The following RYR2 variants were observed in gnomAD, a reference collection of about 807,000 sequenced individuals.
RYR2 encodes cardiac muscle ryanodine receptor-calcium release channel.
RYR2 carries 227 observed loss-of-function variants against 601.1 expected under a neutral mutation model. That is an observed-to-expected ratio of 0.38 (90% CI 0.34 to 0.42). RYR2 has a LOEUF of 0.42. Among genes scored for constraint, RYR2 ranks in the 10% least tolerant of loss-of-function variants. The probability of loss-of-function intolerance (pLI) is 1.00; values close to 1 mark genes in which losing one functional copy is unlikely to be tolerated. For synonymous variants in RYR2, 2,223 were observed against 2,175.1 expected, an observed-to-expected ratio of 1.02 and a Z score of -0.61; for missense variants, 4,646 against 6,156.5, an observed-to-expected ratio of 0.75 and a Z score of 8.21.
intron 56 of RYR2, among the ~76,000 whole-genome samples, chr1:237,664,184 G>A (rs557263287): frequency 6.6e-6 from 1 of 152,250 alleles, no homozygotes; most frequent in South Asian, 2.1e-4. Context: ...GAAGGGGAAT[G>A]GAGATTAGAA....
chr1:237,739,855 C>G (rs950481455), intron 79 of RYR2, among the ~76,000 whole-genome samples: 2 of 152,198 alleles, frequency 1.3e-5, no homozygotes, highest in South Asian at 2.1e-4. Flanking sequence ...TCAGCAGATA[C>G]TGGCAAGCTG....
At chr1:237,435,782 G>T (rs1385341811) in intron 12 of RYR2, among the ~76,000 whole-genome samples, 1 of 152,150 alleles carries the variant, frequency 6.6e-6, no homozygotes, top group Non-Finnish European at 1.5e-5. Flanking sequence ...CTCATATATG[G>T]AAACATTGTG....
chr1:237,688,644 A>C (rs1321158975), intron 63 of RYR2, among the ~76,000 whole-genome samples: 1 of 152,142 alleles, frequency 6.6e-6, no homozygotes, highest in East Asian at 1.9e-4. Flanking sequence ...AGTTATCTTT[A>C]GAATAATTTC....
chr1:237,292,306 A>G (rs1042104524), intron 2 of RYR2, among the ~76,000 whole-genome samples: 28 of 152,260 alleles, frequency 1.8e-4, no homozygotes, highest in African/African-American at 6.8e-4. Context: ...GATGAACAGT[A>G]TAATACCATT....
intron 24 of RYR2, among the ~76,000 whole-genome samples, chr1:237,525,786 C>T (rs1216509589): frequency 6.6e-6 from 1 of 151,984 alleles, no homozygotes; most frequent in Non-Finnish European, 1.5e-5. Context: ...TTGAGACCAG[C>T]CTGGCCAACA....
chr1:237,312,067 T>A (rs910461016), intron 2 of RYR2, among the ~76,000 whole-genome samples: 1 of 152,184 alleles, frequency 6.6e-6, no homozygotes, highest in African/African-American at 2.4e-5. Context: ...CTTGAAGAGC[T>A]ACTTTTTATG....
In RYR2 at chr1:237,396,483, C is replaced by A. The variant is rs1008655311; in HGVS notation, c.773+8300C>A. ...GAATTTGCATACTTGCCAACATGCACAATTTTTGTGATGTTAAATTATGTT... is the reference window on the plus strand; with the variant it reads ...GAATTTGCATACTTGCCAACATGCAAAATTTTTGTGATGTTAAATTATGTT... On this transcript the variant is annotated intron_variant, in intron 10 of 104. Coordinates refer to ENST00000366574, the MANE Select transcript of RYR2 (RefSeq NM_001035.3). Among the ~76,000 whole-genome samples the A allele has an allele frequency of 5.9e-5, 9 of 152,178 alleles. No individual in the cohort carries two copies. The East Asian group carries it at 1.5e-3, about 26-fold the overall frequency.
chr1:237,685,356 A>T (rs766587188), intron 62 of RYR2, among the ~76,000 whole-genome samples: 1 of 152,166 alleles, frequency 6.6e-6, no homozygotes, highest in Non-Finnish European at 1.5e-5. Context: ...CTGGTGGCAC[A>T]TGTGGTGAGG....
intron 79 of RYR2, among the ~76,000 whole-genome samples, chr1:237,738,686 T>TG (rs943224267): frequency 1.4e-4 from 20 of 146,934 alleles, no homozygotes; most frequent in African/African-American, 5.4e-4. Flanking sequence ...TTGGAGTTCA[T>TG]TTTTTTTTAT....
intron 13 of RYR2, 139 bp from the exon 14 acceptor site, chr1:237,445,262 G>A (rs757473519): frequency 3.3e-5 from 32 of 957,392 alleles, no homozygotes; most frequent in East Asian, 4.9e-5. Flanking sequence ...TTATCTGAAC[G>A]TAACAGCTTC....
chr1:237,796,036 A>C (rs995891451), intron 96 of RYR2, among the ~76,000 whole-genome samples: 16 of 151,212 alleles, frequency 1.1e-4, no homozygotes, highest in Non-Finnish European at 2.2e-4. Context: ...AAATGTACAT[A>C]TATATTTTTT....
intron 2 of RYR2, among the ~76,000 whole-genome samples, chr1:237,315,153 C>T (rs1694983762): frequency 6.6e-6 from 1 of 152,080 alleles, no homozygotes; most frequent in Non-Finnish European, 1.5e-5. Flanking sequence ...TGTTTTCTTT[C>T]TCCTCTTTGT....
At chr1:237,517,973 C>T (rs949032488) in intron 24 of RYR2, among the ~76,000 whole-genome samples, 1 of 152,200 alleles carries the variant, frequency 6.6e-6, no homozygotes, top group African/African-American at 2.4e-5. Flanking sequence ...CAGTGTCCTT[C>T]TCTTGTTGTG....
chr1:237,384,041 C>T (rs1014162981), intron 8 of RYR2, among the ~76,000 whole-genome samples: 3 of 152,094 alleles, frequency 2.0e-5, no homozygotes, highest in African/African-American at 7.2e-5. Context: ...ACAAGCCTGA[C>T]GTGATGTAGT....
chr1:237,496,214 G>A (rs1182814015), intron 19 of RYR2, among the ~76,000 whole-genome samples: 2 of 151,984 alleles, frequency 1.3e-5, no homozygotes, highest in Non-Finnish European at 2.9e-5. Context: ...TACCATCCTG[G>A]GCAACATAGC....
At chr1:237,773,444 A>G (rs2149318843) in intron 86 of RYR2, 76 bp from the exon 87 acceptor site, 1 of 995,966 alleles carries the variant, frequency 1.0e-6, no homozygotes, top group East Asian at 2.4e-5. Flanking sequence ...TCTCAGGCAT[A>G]AAGTCCAAGA....
chr1:237,475,375 C>T (rs1661291182), intron 17 of RYR2, among the ~76,000 whole-genome samples: 1 of 152,112 alleles, frequency 6.6e-6, no homozygotes, highest in South Asian at 2.1e-4. Context: ...TTTTAATAAG[C>T]TAAAATTTCT....
At chr1:237,081,865 T>C (rs1203498997) in intron 1 of RYR2, among the ~76,000 whole-genome samples, 2 of 152,114 alleles carry the variant, frequency 1.3e-5, no homozygotes, top group African/African-American at 2.4e-5. Context: ...AAACTCTTCT[T>C]TCTTTTAAGG....
chr1:237,104,414 C>T (rs1668447952), intron 1 of RYR2, among the ~76,000 whole-genome samples: 1 of 152,196 alleles, frequency 6.6e-6, no homozygotes, highest in Non-Finnish European at 1.5e-5. Context: ...TGTCCCCTCC[C>T]ACCTGTAAGA....
Sources: allele counts gnomAD v4.1 joint callset (sites outside exome capture counted in the v4.1 genomes callset), GRCh38; gene constraint gnomAD v4.1.1; transcripts MANE v1.5; gene names NCBI Gene and HGNC (gene_info 2026-07-23, HGNC 2026-07-21).